CAMK1D: variants seen among roughly 807,000 people sequenced by gnomAD.
The protein encoded by CAMK1D is calcium/calmodulin-dependent protein kinase type 1D.
CAMK1D carries 9 observed loss-of-function variants against 47.7 expected under a neutral mutation model. The ratio of observed to expected loss-of-function variants is 0.19; its 90% CI spans 0.11 to 0.33. The LOEUF (loss-of-function observed/expected upper bound fraction) is 0.33, where lower values mean the gene tolerates loss of function less well. CAMK1D is among the 10% of genes least tolerant of loss of function. The probability of loss-of-function intolerance (pLI) is 1.00; values close to 1 mark genes in which losing one functional copy is unlikely to be tolerated. For synonymous variants in CAMK1D, 184 were observed against 184.9 expected (o/e 0.99, Z 0.04); for missense variants, 291 against 488.7 (o/e 0.60, Z 3.81).
intron 1 of CAMK1D, among the ~76,000 whole-genome samples, chr10:12,350,817 C>T (rs1837332724): frequency 6.6e-6 from 1 of 152,212 alleles, no homozygotes; most frequent in African/African-American, 2.4e-5. Flanking sequence ...TTCCTTCCCT[C>T]ACACAATCAG....
chr10:12,357,856 G>A (rs1393594242), intron 1 of CAMK1D, among the ~76,000 whole-genome samples: 1 of 152,020 alleles, frequency 6.6e-6, no homozygotes, highest in African/African-American at 2.4e-5. Context: ...TTTTTTATTA[G>A]ATCTCACTTG....
At chr10:12,691,617 G>A (rs1832932347) in intron 3 of CAMK1D, among the ~76,000 whole-genome samples, 1 of 151,190 alleles carries the variant, frequency 6.6e-6, no homozygotes, top group East Asian at 1.9e-4. Context: ...TGTATTTTTA[G>A]TAGAGACAGG....
chr10:12,729,586 G>A (rs946757298), intron 3 of CAMK1D, among the ~76,000 whole-genome samples: 6 of 152,096 alleles, frequency 3.9e-5, no homozygotes, highest in Non-Finnish European at 8.8e-5. Context: ...CTATGATGTT[G>A]CCACTGCACT....
chr10:12,411,228 G>A (rs1564322660), intron 1 of CAMK1D, among the ~76,000 whole-genome samples: 1 of 152,188 alleles, frequency 6.6e-6, no homozygotes, highest in Non-Finnish European at 1.5e-5. Flanking sequence ...TATTCCATGG[G>A]CATAAGGCTT....
chr10:12,438,496 G>T (rs1040013969), intron 1 of CAMK1D, among the ~76,000 whole-genome samples: 3 of 152,140 alleles, frequency 2.0e-5, no homozygotes, highest in Non-Finnish European at 2.9e-5. Context: ...GAAGCACTGG[G>T]TGTTCCATCA....
intron 3 of CAMK1D, among the ~76,000 whole-genome samples, chr10:12,757,141 T>G (rs1836268376): frequency 1.2e-5 from 1 of 85,092 alleles, no homozygotes; most frequent in South Asian, 2.9e-4. Flanking sequence ...TTCACTTTAT[T>G]TTTTTTTGAG....
intron 3 of CAMK1D, among the ~76,000 whole-genome samples, chr10:12,732,546 G>T (rs141503578): frequency 2.0e-5 from 3 of 152,004 alleles, no homozygotes; most frequent in African/African-American, 7.3e-5. Context: ...CGTGGTGGCC[G>T]CAAGAGAAAA....
At chr10:12,632,254 T>C (rs1839402177) in intron 2 of CAMK1D, among the ~76,000 whole-genome samples, 1 of 152,202 alleles carries the variant, frequency 6.6e-6, no homozygotes, top group Non-Finnish European at 1.5e-5. Context: ...TCAGAGACTG[T>C]TTATGAGCAG....
intron 5 of CAMK1D, among the ~76,000 whole-genome samples, chr10:12,785,099 A>C (rs77406263): frequency 0.041 from 6,206 of 152,252 alleles, 353 homozygotes; most frequent in African/African-American, 0.13. Context: ...CACTCTCTGC[A>C]GCTCCAAAAC....
intron 2 of CAMK1D, among the ~76,000 whole-genome samples, chr10:12,646,423 C>T (rs192905875): frequency 9.3e-4 from 142 of 152,048 alleles, no homozygotes; most frequent in African/African-American, 3.3e-3. Flanking sequence ...CTTAAAGAAA[C>T]GTGGAGAAAT....
intron 1 of CAMK1D, among the ~76,000 whole-genome samples, chr10:12,524,354 A>G (rs1214650921): frequency 1.3e-5 from 2 of 152,156 alleles, no homozygotes; most frequent in East Asian, 1.9e-4. Context: ...CTATAACCAA[A>G]TAGACTTGTT....
intron 2 of CAMK1D, among the ~76,000 whole-genome samples, chr10:12,642,462 G>A (rs1185502603): frequency 6.6e-6 from 1 of 152,236 alleles, no homozygotes; most frequent in Non-Finnish European, 1.5e-5. Flanking sequence ...AGTGGATTGT[G>A]TCAGGGTTGG....
At chr10:12,766,361 C>CTT (rs61097569) in intron 4 of CAMK1D, among the ~76,000 whole-genome samples, 1,655 of 103,306 alleles carry the variant, frequency 0.016, 76 homozygotes, top group African/African-American at 0.05. Flanking sequence ...TTGCCTGTTT[C>CTT]TTTTTTTTTT....
At chr10:12,411,859 G>A (rs367551548) in intron 1 of CAMK1D, among the ~76,000 whole-genome samples, 72 of 152,036 alleles carry the variant, frequency 4.7e-4, no homozygotes, top group African/African-American at 1.6e-3. Flanking sequence ...CTCCCAAAGT[G>A]CTGGGATTAC....
chr10:12,530,765 G>A (rs1422062337), intron 1 of CAMK1D, among the ~76,000 whole-genome samples: 1 of 152,070 alleles, frequency 6.6e-6, no homozygotes, highest in African/African-American at 2.4e-5. Context: ...GTAATCAGAA[G>A]TTGAGATTAG....
rs573100451 is a variant in CAMK1D at position 12,522,485 on chromosome 10, C to T, written c.93-30740C>T. Among the ~76,000 whole-genome samples the T allele has an allele frequency of 2.1e-4, 31 of 151,178 alleles. 1 individual carries two copies. In the East Asian group the frequency reaches 5.6e-3, roughly 27 times the overall value. On this transcript the variant is annotated intron_variant, in intron 1 of 10. Coordinates refer to ENST00000619168, the MANE Select transcript of CAMK1D (RefSeq NM_153498.4). ...TCCATTTAACCCTGAGTGGACACAG[C>T]ACATGTTTCAGAGAGCACAGGGTTG...
intron 3 of CAMK1D, among the ~76,000 whole-genome samples, chr10:12,718,136 C>T (rs1374645418): frequency 2.0e-5 from 3 of 152,070 alleles, no homozygotes; most frequent in Non-Finnish European, 4.4e-5. Context: ...ATCCAAAGCT[C>T]GTCAAACCCG....
At chr10:12,614,010 A>T (rs2132418589) in intron 2 of CAMK1D, among the ~76,000 whole-genome samples, 1 of 152,268 alleles carries the variant, frequency 6.6e-6, no homozygotes, top group African/African-American at 2.4e-5. Flanking sequence ...TTATTAACTT[A>T]CAGCTGCCCC....
intron 1 of CAMK1D, among the ~76,000 whole-genome samples, chr10:12,376,196 A>G (rs1265888743): frequency 6.6e-6 from 1 of 151,298 alleles, no homozygotes; most frequent in East Asian, 1.9e-4. Flanking sequence ...AAGAATAAAA[A>G]GAATAAGATG....
Sources: gnomAD v4.1 joint callset for allele counts (sites outside exome capture counted in the v4.1 genomes callset) on GRCh38, gnomAD v4.1.1 for gene constraint, MANE v1.5 for transcripts, NCBI Gene and HGNC (gene_info 2026-07-23, HGNC 2026-07-21) for gene names.